Variants in DAB1 observed in about 807,000 individuals in gnomAD.
DAB1 encodes DAB adaptor protein 1.
Under a neutral mutation model 64.6 loss-of-function variants are expected in DAB1, and 15 were observed. The observed-to-expected ratio is 0.23, with a 90% CI of 0.16 to 0.36. DAB1 has a LOEUF of 0.36. Among genes scored for constraint, DAB1 ranks in the 10% least tolerant of loss-of-function variants. DAB1 has a pLI of 1.00. For missense variants in DAB1, 596 were observed against 706.7 expected (o/e 0.84, Z 1.78); for synonymous variants, 235 against 251.9 (o/e 0.93, Z 0.64).
chr1:57,784,704 G>T (rs995807339), intron 6 of DAB1, among the ~76,000 whole-genome samples: 13 of 152,118 alleles, frequency 8.5e-5, no homozygotes, highest in African/African-American at 3.1e-4. Flanking sequence ...AGCAGAAGTT[G>T]GTTCCTGAGG....
chr1:57,151,232 A>G (rs1659640177), intron 2 of DAB1, among the ~76,000 whole-genome samples: 1 of 152,148 alleles, frequency 6.6e-6, no homozygotes, highest in South Asian at 2.1e-4. Flanking sequence ...TAAAAAGAAC[A>G]TTATAGCAAC....
rs769217568 is a variant in DAB1, at chr1:58,473,553, T to TA, written n.257+32506dup. On this transcript the variant is annotated intron_variant and non_coding_transcript_variant, in intron 3 of 20. Transcript: ENST00000485760. ...CAAGACTCCGTCTCAAAAAAATAAATAAATAAATAAATAAATAAATAAATA... is the reference window on the plus strand; with the variant it reads ...CAAGACTCCGTCTCAAAAAAATAAATAAAATAAATAAATAAATAAATAAATA... Among the ~76,000 whole-genome samples the TA allele has an allele frequency of 4.8e-3, 478 of 99,938 alleles. 3 individuals are homozygous for TA. Among genetic ancestry groups the TA allele is most frequent in the African/African-American group, 0.014 (338 of 23,750 alleles). 65.6% of individuals were successfully genotyped at this position (99,938 alleles called of 152,430 possible). A position where few individuals can be genotyped will look rare whatever the true frequency, so the allele number is the denominator to read the frequency against.
At chr1:57,314,262 G>T (rs74074913) in intron 1 of DAB1, among the ~76,000 whole-genome samples, 1 of 152,146 alleles carries the variant, frequency 6.6e-6, no homozygotes, top group Non-Finnish European at 1.5e-5. Context: ...TTCCCACCAA[G>T]GGGAAACTTT....
At chr1:58,394,808 T>C (rs1254863983) in intron 3 of DAB1, among the ~76,000 whole-genome samples, 3 of 152,200 alleles carry the variant, frequency 2.0e-5, no homozygotes, top group Non-Finnish European at 2.9e-5. Context: ...GAAAGTGTTC[T>C]GTTTCTTGAT....
intron 3 of DAB1, among the ~76,000 whole-genome samples, chr1:58,489,775 G>A (rs2100371465): frequency 6.6e-6 from 1 of 152,232 alleles, no homozygotes; most frequent in African/African-American, 2.4e-5. Context: ...AGCAACATTG[G>A]CTGTTCACCA....
intron 7 of DAB1, among the ~76,000 whole-genome samples, chr1:57,583,966 A>T (rs1192517760): frequency 6.6e-6 from 1 of 152,198 alleles, no homozygotes; most frequent in East Asian, 1.9e-4. Context: ...AGTGAACTAA[A>T]TATGGCCTGA....
intron 7 of DAB1, among the ~76,000 whole-genome samples, chr1:57,462,955 C>A (rs2101184593): frequency 6.6e-6 from 1 of 152,064 alleles, no homozygotes; most frequent in East Asian, 1.9e-4. Context: ...GAAGAACCCC[C>A]AAACAAGAAT....
chr1:58,205,462 C>T (rs191251110), intron 4 of DAB1, among the ~76,000 whole-genome samples: 22 of 152,358 alleles, frequency 1.4e-4, no homozygotes, highest in African/African-American at 4.3e-4. Flanking sequence ...GAAACTGCAG[C>T]TTGCTGCTAG....
chr1:58,384,094 G>C (rs1036845393), intron 3 of DAB1, among the ~76,000 whole-genome samples: 1 of 151,598 alleles, frequency 6.6e-6, no homozygotes, highest in Non-Finnish European at 1.5e-5. Context: ...AACTGATGTG[G>C]AATAATATCT....
In DAB1 at chr1:58,023,877, A is replaced by G. The variant is rs895814597; in HGVS notation, n.387+126634T>C. On this transcript the variant is annotated intron_variant and non_coding_transcript_variant, in intron 5 of 20. Transcript: ENST00000485760. Reference sequence around the variant, plus strand: ...TGGATCCTGCAAAAATATGAACATTAAGGCAGTTCATTAGCTTAGCCTCTA... The same window carrying G: ...TGGATCCTGCAAAAATATGAACATTGAGGCAGTTCATTAGCTTAGCCTCTA... Among the ~76,000 whole-genome samples, 11 of 152,262 alleles carry G rather than the reference A, an allele frequency of 7.2e-5. No homozygotes were observed. The East Asian group carries it at 1.9e-3, about 27-fold the overall frequency.
At chr1:57,127,528 T>G (rs898932956) in intron 4 of DAB1, among the ~76,000 whole-genome samples, 3 of 152,168 alleles carry the variant, frequency 2.0e-5, no homozygotes, top group African/African-American at 7.2e-5. Context: ...GTATGTCTAT[T>G]TTTTCTTTTT....
At chr1:57,690,693 G>A (rs898564087) in intron 6 of DAB1, among the ~76,000 whole-genome samples, 5 of 152,108 alleles carry the variant, frequency 3.3e-5, no homozygotes, top group Non-Finnish European at 5.9e-5. Flanking sequence ...ATGGTAGCCC[G>A]ATTTTTAGTT....
At chr1:57,943,343 TATTA>T (rs1183732598) in intron 5 of DAB1, among the ~76,000 whole-genome samples, 4 of 152,202 alleles carry the variant, frequency 2.6e-5, no homozygotes, top group Non-Finnish European at 4.4e-5. Flanking sequence ...CACAAGCTGT[TATTA>T]ATTGAGCAGT....
At chr1:57,714,397 G>A (rs1333135888) in intron 6 of DAB1, among the ~76,000 whole-genome samples, 1 of 152,166 alleles carries the variant, frequency 6.6e-6, no homozygotes, top group African/African-American at 2.4e-5. Context: ...AAAAGATAAT[G>A]TGAAATATCA....
At chr1:57,285,009 T>A (rs1437319594) in intron 2 of DAB1, among the ~76,000 whole-genome samples, 4 of 152,176 alleles carry the variant, frequency 2.6e-5, no homozygotes, top group Admixed American at 2.6e-4. Context: ...GCCAAAATTC[T>A]CCTGGGAGAA....
chr1:57,139,844 T>C (rs531333762), intron 3 of DAB1, among the ~76,000 whole-genome samples: 90 of 152,240 alleles, frequency 5.9e-4, no homozygotes, highest in Middle Eastern at 6.8e-3. Context: ...AAAGCCAACA[T>C]ACATGTTCCA....
At chr1:57,813,319 G>C (rs1204962019) in intron 6 of DAB1, among the ~76,000 whole-genome samples, 2 of 152,114 alleles carry the variant, frequency 1.3e-5, no homozygotes, top group East Asian at 3.8e-4. Flanking sequence ...AGATTGCAAG[G>C]CTAGATTCTG....
At chr1:57,813,598 A>C (rs1322686044) in intron 6 of DAB1, among the ~76,000 whole-genome samples, 1 of 152,228 alleles carries the variant, frequency 6.6e-6, no homozygotes, top group East Asian at 1.9e-4. Context: ...AGTCATGTTT[A>C]GTTCATAGGA....
chr1:57,784,510 G>A (rs1016453381), intron 6 of DAB1, among the ~76,000 whole-genome samples: 9 of 152,160 alleles, frequency 5.9e-5, no homozygotes, highest in Admixed American at 2.6e-4. Context: ...CAGTGAACAC[G>A]TGAATAAGGA....
Sources: allele counts gnomAD v4.1 joint callset (sites outside exome capture counted in the v4.1 genomes callset), GRCh38; gene constraint gnomAD v4.1.1; transcripts MANE v1.5; gene names NCBI Gene and HGNC (gene_info 2026-07-23, HGNC 2026-07-21).